TUBA1C: variants seen among roughly 807,000 people sequenced by gnomAD.
The protein encoded by TUBA1C is tubulin alpha-1C chain.
In TUBA1C, 16 loss-of-function variants were observed where a neutral mutation model predicts 34.9. That is an observed-to-expected ratio of 0.46 (90% confidence interval 0.31 to 0.70). TUBA1C has a LOEUF of 0.70. Among genes scored for constraint, TUBA1C ranks in the 30% least tolerant of loss-of-function variants. The probability of loss-of-function intolerance (pLI) is 0.05; values close to 1 mark genes in which losing one functional copy is unlikely to be tolerated. For synonymous variants in TUBA1C, 177 were observed against 215.9 expected, an observed-to-expected ratio of 0.82 and a Z score of 1.58; for missense variants, 329 against 587.3, an observed-to-expected ratio of 0.56 and a Z score of 4.55.
intron 1 of TUBA1C, among the ~76,000 whole-genome samples, chr12:49,243,423 AGT>A (rs1942637719): frequency 1.3e-5 from 2 of 152,144 alleles, no homozygotes; most frequent in African/African-American, 4.8e-5. Flanking sequence ...CCTGGGTGAC[AGT>A]GTGAGACTCC....
chr12:49,271,002 AC>A (rs558875422), intron 3 of TUBA1C, among the ~76,000 whole-genome samples: 13 of 146,652 alleles, frequency 8.9e-5, no homozygotes, highest in African/African-American at 3.2e-4. Flanking sequence ...AACAAAAAAA[AC>A]CCTAAGCTTT....
At position 49,239,600 on chromosome 12, in the gene TUBA1C, C is replaced by T. The variant is rs538447592; in HGVS notation, c.213+11434C>T. Among the ~76,000 whole-genome samples the T allele has an allele frequency of 4.0e-5, 6 of 151,158 alleles. No individual in the cohort carries two copies. In the East Asian group the frequency reaches 9.8e-4, roughly 25 times the overall value. On this transcript the variant is annotated intron_variant, in intron 1 of 3. Coordinates refer to the TUBA1C transcript ENST00000541364. ...AGGTCGCAGCGAACTGAGATTTCAC[C>T]ACTGCACTCCATCCTGGGCGACAGA...
At chr12:49,261,929 T>C (rs2137011929), upstream of TUBA1C, among the ~76,000 whole-genome samples, 1 of 152,304 alleles carries the variant, frequency 6.6e-6, no homozygotes, top group Non-Finnish European at 1.5e-5. Context: ...TGGTGATTCT[T>C]CAGTCAAGAT....
chr12:49,246,324 G>T (rs1942666820), intron 1 of TUBA1C, among the ~76,000 whole-genome samples: 1 of 152,072 alleles, frequency 6.6e-6, no homozygotes, highest in Non-Finnish European at 1.5e-5. Flanking sequence ...AGCCTGCCTA[G>T]AGAAAATGTG....
chr12:49,230,865 C>A (rs1240855439), intron 1 of TUBA1C, among the ~76,000 whole-genome samples: 3 of 152,184 alleles, frequency 2.0e-5, no homozygotes, highest in African/African-American at 7.2e-5. Context: ...TGGACACTTA[C>A]TAGCGGTGTG....
chr12:49,234,463 G>C (rs1420182023), intron 1 of TUBA1C, among the ~76,000 whole-genome samples: 1 of 152,268 alleles, frequency 6.6e-6, no homozygotes, highest in Non-Finnish European at 1.5e-5. Context: ...GAGCAGAAAG[G>C]AGGCTGTGGT....
chr12:49,229,970 T>C (rs1034477152), intron 1 of TUBA1C, among the ~76,000 whole-genome samples: 21 of 152,168 alleles, frequency 1.4e-4, no homozygotes, highest in Middle Eastern at 3.4e-3. Context: ...GTATTTTTAA[T>C]AGAGACAAGG....
intron 1 of TUBA1C, 117 bp downstream of exon 1, chr12:49,265,301 C>T: frequency 1.3e-6 from 1 of 759,290 alleles, no homozygotes; most frequent in South Asian, 2.9e-5. Flanking sequence ...ACCCCGGGCC[C>T]CTCCGGTTAA....
chr12:49,253,087 A>T (rs950411049), intron 1 of TUBA1C, among the ~76,000 whole-genome samples: 2 of 130,000 alleles, frequency 1.5e-5, no homozygotes, highest in African/African-American at 5.7e-5. Context: ...ACCCTATCTT[A>T]AAAAAAAAAA....
At chr12:49,229,208 C>T (rs151145642) in intron 1 of TUBA1C, among the ~76,000 whole-genome samples, 38 of 152,302 alleles carry the variant, frequency 2.5e-4, no homozygotes, top group African/African-American at 8.7e-4. Context: ...GAGTCTCACC[C>T]TGTCGCCCAG....
At chr12:49,234,345 A>G (rs922342019) in intron 1 of TUBA1C, among the ~76,000 whole-genome samples, 5 of 152,244 alleles carry the variant, frequency 3.3e-5, no homozygotes, top group African/African-American at 1.2e-4. Context: ...TAACAAGGAC[A>G]CCCTAAAAAT....
chr12:49,272,907 G>T lies in TUBA1C; in HGVS notation c.1030G>T (p.Val344Leu). 1 of 1,614,218 alleles carries T rather than the reference G, an allele frequency of 6.2e-7. No individual in the cohort carries two copies. The highest frequency in any genetic ancestry group is 2.2e-5 in the East Asian group (1 of 44,890). Residue 344 changes from valine to leucine, a missense_variant, in exon 4 of 4, where the codon GTG (valine) becomes TTG (leucine). Transcript: ENST00000301072. ...TIKTKRTIQF[V>L]DWCPTGFKVG... ...CAAAACCAAGCGTACCATCCAGTTT[G>T]TGGATTGGTGCCCCACTGGCTTCAA...
intron 3 of TUBA1C, among the ~76,000 whole-genome samples, chr12:49,271,099 T>C (rs1266693781): frequency 2.0e-5 from 3 of 152,104 alleles, no homozygotes; most frequent in African/African-American, 7.2e-5. Flanking sequence ...GAACGTGAGG[T>C]TTATTGCCTA....
chr12:49,265,027 C>A, upstream of TUBA1C: 1 of 1,138,850 alleles, frequency 8.8e-7, no homozygotes, highest in Non-Finnish European at 1.1e-6. Flanking sequence ...CCCGCCCTCC[C>A]GACACGTGGC....
At chr12:49,238,167 G>A (rs953333316) in intron 1 of TUBA1C, among the ~76,000 whole-genome samples, 1 of 151,814 alleles carries the variant, frequency 6.6e-6, no homozygotes, top group Non-Finnish European at 1.5e-5. Flanking sequence ...CAGAAAACTA[G>A]TAAGACGAAG....
At chr12:49,245,126 C>A (rs1012616530) in intron 1 of TUBA1C, among the ~76,000 whole-genome samples, 1 of 152,056 alleles carries the variant, frequency 6.6e-6, no homozygotes, top group Non-Finnish European at 1.5e-5. Context: ...CAAGACAGAA[C>A]ACAAATTACA....
intron 1 of TUBA1C, among the ~76,000 whole-genome samples, chr12:49,229,891 G>A (rs1470761001): frequency 1.3e-5 from 2 of 151,942 alleles, no homozygotes; most frequent in South Asian, 2.1e-4. Flanking sequence ...GGGTTCAAGC[G>A]ATTCTCCTGC....
At chr12:49,241,827 T>C (rs1189502427) in intron 1 of TUBA1C, among the ~76,000 whole-genome samples, 1 of 151,420 alleles carries the variant, frequency 6.6e-6, no homozygotes, top group Non-Finnish European at 1.5e-5. Flanking sequence ...TTTTTTGTAT[T>C]TTAGTAGAGA....
At chr12:49,237,657 A>G (rs1774519525) in intron 1 of TUBA1C, among the ~76,000 whole-genome samples, 1 of 151,500 alleles carries the variant, frequency 6.6e-6, no homozygotes, top group Non-Finnish European at 1.5e-5. Context: ...AGGTAAGAGT[A>G]TCCCTTGAGC....
Sources: allele counts gnomAD v4.1 joint callset (sites outside exome capture counted in the v4.1 genomes callset), GRCh38; gene constraint gnomAD v4.1.1; transcripts MANE v1.5; gene names NCBI Gene and HGNC (gene_info 2026-07-23, HGNC 2026-07-21).